The following PALLD variants were observed in gnomAD, a reference collection of about 807,000 sequenced individuals.
The protein encoded by PALLD is palladin, cytoskeletal associated protein, also known as palladin.
A neutral mutation model predicts 123.5 loss-of-function variants in PALLD; 61 were observed. The observed-to-expected ratio is 0.49, with a 90% CI of 0.40 to 0.61. The LOEUF is 0.61. Among genes scored for constraint, PALLD ranks in the 20% least tolerant of loss-of-function variants. The pLI is 0.00. For missense variants in PALLD, 1,273 were observed against 1,377.0 expected (o/e 0.92, Z 1.20); for synonymous variants, 465 against 496.4 (o/e 0.94, Z 0.84).
intron 10 of PALLD, among the ~76,000 whole-genome samples, chr4:168,831,624 A>G (rs1744214739): frequency 6.6e-6 from 1 of 151,968 alleles, no homozygotes; most frequent in Non-Finnish European, 1.5e-5. Context: ...TCGCAGTTCC[A>G]TTCCTTCAGG....
chr4:168,657,960 C>CA (rs1778746531), intron 2 of PALLD, among the ~76,000 whole-genome samples: 2 of 151,946 alleles, frequency 1.3e-5, no homozygotes, highest in South Asian at 2.1e-4. Flanking sequence ...CCCTCTGTCT[C>CA]AAAAAAAGAG....
intron 15 of PALLD, 177 bp downstream of exon 15, chr4:168,904,083 A>T: frequency 1.6e-6 from 1 of 637,248 alleles, no homozygotes; most frequent in Non-Finnish European, 2.8e-6. Flanking sequence ...TGTTTCATGA[A>T]TACTTATTTA....
At chr4:168,688,873 C>G (rs1782343147) in intron 6 of PALLD, among the ~76,000 whole-genome samples, 1 of 152,130 alleles carries the variant, frequency 6.6e-6, no homozygotes, top group Non-Finnish European at 1.5e-5. Context: ...CATTTGTAGT[C>G]TATCCTGAAC....
chr4:168,513,167 A>G (rs1292137805), intron 2 of PALLD, among the ~76,000 whole-genome samples: 4 of 152,194 alleles, frequency 2.6e-5, no homozygotes, highest in Non-Finnish European at 1.5e-5. Context: ...ATAGGCACAT[A>G]TTCAGTAACA....
chr4:168,680,943 T>C (rs1351566719), intron 3 of PALLD, among the ~76,000 whole-genome samples: 1 of 152,178 alleles, frequency 6.6e-6, no homozygotes, highest in African/African-American at 2.4e-5. Context: ...AAAGCATCAG[T>C]CCTTACCCTG....
At chr4:168,774,519 G>A (rs991335828) in intron 10 of PALLD, among the ~76,000 whole-genome samples, 2 of 152,066 alleles carry the variant, frequency 1.3e-5, no homozygotes, top group Non-Finnish European at 2.9e-5. Flanking sequence ...CTGGAGGTCA[G>A]GAGTTTGAGA....
intron 10 of PALLD, among the ~76,000 whole-genome samples, chr4:168,779,393 G>C (rs1735585261): frequency 6.6e-6 from 1 of 152,078 alleles, no homozygotes; most frequent in East Asian, 1.9e-4. Context: ...CCAACATAAG[G>C]ATGCTGGGGA....
chr4:168,643,099 G>A (rs1171842241), intron 2 of PALLD, among the ~76,000 whole-genome samples: 1 of 152,170 alleles, frequency 6.6e-6, no homozygotes, highest in Non-Finnish European at 1.5e-5. Context: ...ATAACTTGGC[G>A]AGTTATGTAA....
intron 10 of PALLD, among the ~76,000 whole-genome samples, chr4:168,725,781 C>A (rs1786521163): frequency 6.6e-6 from 1 of 152,094 alleles, no homozygotes; most frequent in Admixed American, 6.5e-5. Context: ...CCGCCTCGGC[C>A]TCCCAAAGTG....
Position 168,890,989 on chromosome 4 carries a change from G to T in PALLD, c.2032G>T (p.Asp678Tyr), listed in dbSNP as rs764564619. The change falls in exon 11 of 22, where the codon GAT (aspartate) becomes TAT (tyrosine). Residue 678 changes from aspartate to tyrosine, a missense_variant. Coordinates refer to ENST00000505667, the MANE Select transcript of PALLD (RefSeq NM_001166108.2). ...CGATGAGGAAATTCAAGGCACAAAG[G>T]ATGCTGTTATTCAAGACCTGGAACG... Reference protein sequence around the residue: ...ASDEEIQGTKDAVIQDLERKL... With the variant: ...ASDEEIQGTKYAVIQDLERKL... 5 of 1,614,034 alleles carry T rather than the reference G, an allele frequency of 3.1e-6. No homozygotes were observed. Among genetic ancestry groups the T allele is most frequent in the Non-Finnish European group, 4.2e-6 (5 of 1,179,904 alleles).
chr4:168,814,375 C>G (rs1301598402), intron 10 of PALLD, among the ~76,000 whole-genome samples: 1 of 152,178 alleles, frequency 6.6e-6, no homozygotes, highest in Non-Finnish European at 1.5e-5. Flanking sequence ...TCAAATATAT[C>G]TACCAGCAGT....
intron 10 of PALLD, among the ~76,000 whole-genome samples, chr4:168,842,088 G>C (rs1021874468): frequency 6.6e-6 from 1 of 152,164 alleles, no homozygotes. Flanking sequence ...TGAATTATGG[G>C]TCTGATTCCC....
At chr4:168,585,685 G>A (rs764093115) in intron 2 of PALLD, among the ~76,000 whole-genome samples, 7 of 152,114 alleles carry the variant, frequency 4.6e-5, no homozygotes, top group East Asian at 1.9e-4. Flanking sequence ...GCAGCCTGTC[G>A]TTTTCGGAGA....
intron 2 of PALLD, among the ~76,000 whole-genome samples, chr4:168,574,016 T>G (rs1425782197): frequency 1.2e-4 from 18 of 152,044 alleles, no homozygotes; most frequent in Admixed American, 1.2e-3. Flanking sequence ...ACGTCTTGCT[T>G]TCAGACTCTT....
intron 2 of PALLD, among the ~76,000 whole-genome samples, chr4:168,559,894 GA>G (rs1437712487): frequency 2.7e-5 from 4 of 150,592 alleles, no homozygotes; most frequent in African/African-American, 9.8e-5. Context: ...CAAAAAGAAA[GA>G]AAGAGAGAGA....
chr4:168,641,780 C>T (rs1561338697), intron 2 of PALLD, among the ~76,000 whole-genome samples: 1 of 152,106 alleles, frequency 6.6e-6, no homozygotes, highest in African/African-American at 2.4e-5. Flanking sequence ...TTTCTACTCC[C>T]GTGCACCCCA....
At chr4:168,597,167 T>C (rs891571538) in intron 2 of PALLD, among the ~76,000 whole-genome samples, 2 of 152,046 alleles carry the variant, frequency 1.3e-5, no homozygotes, top group African/African-American at 4.8e-5. Context: ...CTATATAAGA[T>C]AATAAAATGC....
chr4:168,759,194 AAAAAAAAAATATATATATATATAT>A (rs1490800444), intron 10 of PALLD, among the ~76,000 whole-genome samples: 2 of 41,446 alleles, frequency 4.8e-5, no homozygotes, highest in African/African-American at 2.7e-4. Context: ...AAAAAAAAAA[AAAAAAAAAATATATATATATATAT>A]ATATATATAT....
At chr4:168,568,961 C>A (rs1444493128) in intron 2 of PALLD, among the ~76,000 whole-genome samples, 2 of 151,570 alleles carry the variant, frequency 1.3e-5, no homozygotes, top group Admixed American at 1.3e-4. Flanking sequence ...GATAGATGTG[C>A]CTTCCTGAAG....
Sources: allele counts gnomAD v4.1 joint callset (sites outside exome capture counted in the v4.1 genomes callset), GRCh38; gene constraint gnomAD v4.1.1; transcripts MANE v1.5; gene names NCBI Gene and HGNC (gene_info 2026-07-23, HGNC 2026-07-21).